ANHX: variants seen among roughly 807,000 people sequenced by gnomAD.
ANHX encodes the protein anomalous homeobox protein.
In ANHX, 20 loss-of-function variants were observed where a neutral mutation model predicts 38.9. The observed-to-expected ratio is 0.51, with a 90% CI of 0.36 to 0.75. ANHX has a LOEUF of 0.75. Ranked by LOEUF, ANHX falls within the 30% of genes least tolerant of loss-of-function variation. ANHX has a pLI of 0.00. For missense variants in ANHX, 475 were observed against 493.1 expected (o/e 0.96, Z 0.35); for synonymous variants, 185 against 203.1 (o/e 0.91, Z 0.76).
chr12:133,224,922 A>C (rs139845646), intron 7 of ANHX, among the ~76,000 whole-genome samples: 43 of 148,372 alleles, frequency 2.9e-4, no homozygotes, highest in East Asian at 2.0e-3. Flanking sequence ...AGCCGAGATC[A>C]CGCCACTGCA....
At chr12:133,232,475 C>G (rs1214812359) in intron 2 of ANHX, among the ~76,000 whole-genome samples, 1 of 152,172 alleles carries the variant, frequency 6.6e-6, no homozygotes, top group African/African-American at 2.4e-5. Context: ...CCCCTCAGAG[C>G]CGACGGCTCT....
intron 2 of ANHX, among the ~76,000 whole-genome samples, chr12:133,232,257 G>A (rs1349866878): frequency 3.3e-5 from 5 of 152,266 alleles, no homozygotes; most frequent in Non-Finnish European, 7.3e-5. Flanking sequence ...TGCTGATGAC[G>A]GAGGATGCCT....
At chr12:133,232,918 T>G (rs371842177) in intron 2 of ANHX, among the ~76,000 whole-genome samples, 2 of 152,114 alleles carry the variant, frequency 1.3e-5, no homozygotes, top group East Asian at 3.9e-4. Context: ...GGAGGCAGAT[T>G]GACAAACAAC....
chr12:133,230,292 C>T (rs527305559), intron 3 of ANHX, among the ~76,000 whole-genome samples: 2 of 152,330 alleles, frequency 1.3e-5, no homozygotes, highest in African/African-American at 2.4e-5. Flanking sequence ...CCGTGGGGGG[C>T]TACAATCACA....
At chr12:133,228,467 CTGAGGCT>C (rs1957222320) in intron 3 of ANHX, among the ~76,000 whole-genome samples, 1 of 152,316 alleles carries the variant, frequency 6.6e-6, no homozygotes. Flanking sequence ...CATGAGTCCT[CTGAGGCT>C]TGCAGCACTC....
chr12:133,226,559 T>A, intron 5 of ANHX, 121 bp from the exon 6 acceptor site: 3 of 1,367,772 alleles, frequency 2.2e-6, no homozygotes, highest in African/African-American at 2.9e-5. Context: ...ATCCCAATGT[T>A]TTTGCTTCTT....
chr12:133,228,253 G>A (rs997052100), intron 3 of ANHX, among the ~76,000 whole-genome samples: 6 of 151,588 alleles, frequency 4.0e-5, no homozygotes, highest in Middle Eastern at 3.4e-3. Flanking sequence ...ATCCTCACAT[G>A]TAGACATCCT....
chr12:133,226,430 C>T lies in ANHX; in HGVS notation c.727G>A (p.Glu243Lys). 1 of 1,533,964 alleles carries T rather than the reference C, an allele frequency of 6.5e-7. No individual in the cohort carries two copies. Among genetic ancestry groups the T allele is most frequent in the South Asian group, 1.2e-5 (1 of 83,946 alleles). Residue 243 changes from glutamate to lysine, a missense_variant, in exon 6 of 10, where the codon GAG becomes AAG. Coordinates refer to ENST00000545940, the MANE Select transcript of ANHX (RefSeq NM_001372060.1). ...GGGGACTGTGGAGGCCCCTTTTCCT[C>T]ACGTTCCTCTGAAAGTGATGAGATG... ...VDRPQWSEER[E>K]EKGPPQSPQT...
intron 9 of ANHX, 41 bp downstream of exon 9, chr12:133,219,242 A>C (rs1957075729): frequency 4.7e-6 from 7 of 1,485,486 alleles, no homozygotes; most frequent in Non-Finnish European, 6.3e-6. Context: ...CAGATCCAGG[A>C]GTAAAGAGGG....
chr12:133,225,233 A>G (rs541217303), intron 7 of ANHX, among the ~76,000 whole-genome samples: 47 of 152,254 alleles, frequency 3.1e-4, no homozygotes, highest in African/African-American at 1.0e-3. Flanking sequence ...GTGTTAATAG[A>G]TAAATCAAGT....
Position 133,227,916 on chromosome 12 carries a change from C to T in ANHX, c.409G>A (p.Gly137Arg). Residue 137 changes from glycine to arginine, a missense_variant, in exon 4 of 10, where the codon GGG becomes AGG. By Grantham distance (125) the Gly-to-Arg change is moderately radical. Transcript: ENST00000545940. ...NPPPPSLCPE[G>R]LKSRNFPREV... Reference sequence around the variant, plus strand: ...CTGGGGAAGTTCCGGCTCTTCAGCCCCTCTGGGCAGAGGGAGGGGGGCGGG... The same window carrying T: ...CTGGGGAAGTTCCGGCTCTTCAGCCTCTCTGGGCAGAGGGAGGGGGGCGGG... 1.2e-5 allele frequency: 19 copies of T among 1,527,960 alleles called. No individual in the cohort carries two copies. The highest frequency in any genetic ancestry group is 1.7e-5 in the Non-Finnish European group (19 of 1,143,978). The allele number at this position is 1,527,960 out of a possible 1,614,324, so 94.7% of individuals were successfully genotyped here.
chr12:133,231,467 A>T lies in ANHX; in HGVS notation c.377+50T>A, dbSNP rs530256704. On this transcript the variant is annotated intron_variant, in intron 3 of 9. Transcript: ENST00000545940. ...CTCTGGGCTTTGCATGGTACATCTA[A>T]TCCCTTGGGATCCCCATGAAATATG... is the stretch of plus-strand genomic sequence containing the variant. 12 of 1,534,126 alleles carry T rather than the reference A, an allele frequency of 7.8e-6. No individual in the cohort carries two copies. In the African/African-American group the frequency reaches 1.1e-4, roughly 14 times the overall value.
Position 133,227,701 on chromosome 12 carries a change from G to A in ANHX, c.501+123C>T, listed in dbSNP as rs936713457. 3 of 1,147,668 alleles carry A rather than the reference G, an allele frequency of 2.6e-6. No homozygotes were observed. The African/African-American group carries it at 4.7e-5, about 18-fold the overall frequency. 71.1% of individuals were successfully genotyped at this position (1,147,668 alleles called of 1,614,324 possible). ...CAACAAGGTCCCTGTCCAGAGGAGGGGCTGAAACCACCAGCACCCTGGCGG... is the reference window on the plus strand; with the variant it reads ...CAACAAGGTCCCTGTCCAGAGGAGGAGCTGAAACCACCAGCACCCTGGCGG... On this transcript the variant is annotated intron_variant, in intron 4 of 9. Coordinates refer to ENST00000545940, the MANE Select transcript of ANHX (RefSeq NM_001372060.1).
At chr12:133,224,540 G>A (rs1957157180) in intron 7 of ANHX, among the ~76,000 whole-genome samples, 1 of 151,548 alleles carries the variant, frequency 6.6e-6, no homozygotes, top group Non-Finnish European at 1.5e-5. Flanking sequence ...GCAGGTGCCT[G>A]TAGTTCTACC....
intron 4 of ANHX, 77 bp from the exon 5 acceptor site, chr12:133,227,229 G>A: frequency 7.0e-7 from 1 of 1,424,490 alleles, no homozygotes; most frequent in South Asian, 1.4e-5. Context: ...GGCTCAGACA[G>A]CTCATTTACA....
chr12:133,223,605 C>T (rs989697998), intron 7 of ANHX, among the ~76,000 whole-genome samples: 4 of 151,970 alleles, frequency 2.6e-5, no homozygotes, highest in African/African-American at 9.7e-5. Flanking sequence ...CCACCATGCC[C>T]AGCTGATTTT....
At chr12:133,227,437 G>A (rs1039765316) in intron 4 of ANHX, among the ~76,000 whole-genome samples, 3 of 152,190 alleles carry the variant, frequency 2.0e-5, no homozygotes, top group Non-Finnish European at 2.9e-5. Context: ...CAGACAACAT[G>A]CCCAGGGCCA....
At position 133,234,396 on chromosome 12, in the gene ANHX, C is replaced by T; in HGVS notation, c.-22-18G>A. ...TGGCCACTCTGCCAACACAAACAGT[C>T]ACAAGAATGGCCACCACTGACCACG... On this transcript the variant is annotated intron_variant, in intron 1 of 9. Coordinates refer to ENST00000545940, the MANE Select transcript of ANHX (RefSeq NM_001372060.1). 6.6e-7 allele frequency: 1 copy of T among 1,515,624 alleles called. No homozygotes were observed. The highest frequency in any genetic ancestry group is 8.8e-7 in the Non-Finnish European group (1 of 1,133,010). 93.9% of individuals were successfully genotyped at this position (1,515,624 alleles called of 1,614,324 possible).
Position 133,231,606 on chromosome 12 carries a change from C to G in ANHX, c.288G>C (p.Gln96His). Residue 96 changes from glutamine (Q) to histidine (H), a missense_variant, in exon 3 of 10, where the codon CAG becomes CAC. Coordinates refer to ENST00000545940, the MANE Select transcript of ANHX (RefSeq NM_001372060.1). ...GACGGTAGTGGATGTCGTTCCAGAG[C>G]TGCACTAACTCCTGGCTGCCTCCCG... ...QVPGGSQELV[Q>H]LWNDIHYRLV... 1 of 1,536,112 alleles carries G rather than the reference C, an allele frequency of 6.5e-7. No individual in the cohort carries two copies. Among genetic ancestry groups the G allele is most frequent in the Non-Finnish European group, 8.7e-7 (1 of 1,146,912 alleles).
Sources: gnomAD v4.1 joint callset for allele counts (sites outside exome capture counted in the v4.1 genomes callset) on GRCh38, gnomAD v4.1.1 for gene constraint, MANE v1.5 for transcripts, NCBI Gene and HGNC (gene_info 2026-07-23, HGNC 2026-07-21) for gene names.